The following WWC1 variants were observed in gnomAD, a reference collection of about 807,000 sequenced individuals.
WWC1 encodes protein KIBRA.
Under a neutral mutation model 138.4 loss-of-function variants are expected in WWC1, and 55 were observed. The ratio of observed to expected loss-of-function variants is 0.40; its 90% CI spans 0.32 to 0.50. WWC1 has a LOEUF of 0.50. WWC1 is among the 20% of genes least tolerant of loss of function. The pLI is 0.72. For missense variants in WWC1, 1,226 were observed against 1,420.4 expected, an observed-to-expected ratio of 0.86 and a Z score of 2.20; for synonymous variants, 524 against 564.9, an observed-to-expected ratio of 0.93 and a Z score of 1.03.
At chr5:168,396,025 C>T (rs975212731) in intron 3 of WWC1, among the ~76,000 whole-genome samples, 1 of 152,216 alleles carries the variant, frequency 6.6e-6, no homozygotes, top group Non-Finnish European at 1.5e-5. Flanking sequence ...ACCAAATAAG[C>T]TTCTCTATCC....
intron 17 of WWC1, among the ~76,000 whole-genome samples, chr5:168,452,912 A>G (rs934369591): frequency 2.6e-5 from 4 of 152,150 alleles, no homozygotes; most frequent in Admixed American, 6.5e-5. Context: ...TAGCCATCCA[A>G]TGGAATATTA....
chr5:168,322,152 T>G (rs1224043697), intron 1 of WWC1, among the ~76,000 whole-genome samples: 1 of 152,162 alleles, frequency 6.6e-6, no homozygotes, highest in South Asian at 2.1e-4. Flanking sequence ...TTGTAACAGA[T>G]TGATGCAAAT....
At chr5:168,443,839 T>C (rs1355654259) in intron 16 of WWC1, among the ~76,000 whole-genome samples, 1 of 152,226 alleles carries the variant, frequency 6.6e-6, no homozygotes, top group Non-Finnish European at 1.5e-5. Flanking sequence ...AGTTTTTGCT[T>C]TGGTATTAGC....
intron 1 of WWC1, among the ~76,000 whole-genome samples, chr5:168,341,372 C>T (rs2152778183): frequency 6.6e-6 from 1 of 152,238 alleles, no homozygotes; most frequent in East Asian, 1.9e-4. Flanking sequence ...AGTATGCAGG[C>T]TTCTGAAGTC....
At chr5:168,353,164 G>T (rs1194612573) in intron 1 of WWC1, among the ~76,000 whole-genome samples, 2 of 151,818 alleles carry the variant, frequency 1.3e-5, no homozygotes, top group African/African-American at 4.8e-5. Context: ...TGTATTTTGG[G>T]TCCTTCCAGG....
chr5:168,388,218 A>G (rs1778189808), intron 3 of WWC1, among the ~76,000 whole-genome samples: 1 of 152,218 alleles, frequency 6.6e-6, no homozygotes, highest in Non-Finnish European at 1.5e-5. Flanking sequence ...AGAATATTTC[A>G]TCTGAATCTA....
At chr5:168,360,886 G>A (rs1042569526) in intron 1 of WWC1, among the ~76,000 whole-genome samples, 4 of 152,378 alleles carry the variant, frequency 2.6e-5, no homozygotes, top group African/African-American at 9.6e-5. Context: ...AGGACAGGGT[G>A]AGCTGCTGCC....
chr5:168,313,398 C>T lies in WWC1; in HGVS notation c.119+21127C>T, dbSNP rs140243025. On this transcript the variant is annotated intron_variant, in intron 1 of 22. Transcript: ENST00000265293. ...CTGAGTTCAGGAGTTTGAGACCAGCCTGGCCAACATGGCGAAACCCCGTCT... is the reference window on the plus strand; with the variant it reads ...CTGAGTTCAGGAGTTTGAGACCAGCTTGGCCAACATGGCGAAACCCCGTCT... Among the ~76,000 whole-genome samples the T allele has an allele frequency of 6.4e-3, 968 of 152,192 alleles. 8 individuals carry two copies. The highest frequency in any genetic ancestry group is 0.022 in the African/African-American group (918 of 41,536).
intron 11 of WWC1, among the ~76,000 whole-genome samples, chr5:168,425,779 G>A (rs578103081): frequency 2.6e-5 from 4 of 152,026 alleles, no homozygotes; most frequent in Non-Finnish European, 5.9e-5. Flanking sequence ...GATTACAGGC[G>A]TGAACCACCA....
intron 1 of WWC1, among the ~76,000 whole-genome samples, chr5:168,365,333 C>T (rs970972031): frequency 6.6e-6 from 1 of 152,122 alleles, no homozygotes; most frequent in Non-Finnish European, 1.5e-5. Flanking sequence ...AAAGTGATCC[C>T]GCCCAGCCAG....
At chr5:168,370,140 C>T (rs1216025940) in intron 1 of WWC1, among the ~76,000 whole-genome samples, 1 of 151,914 alleles carries the variant, frequency 6.6e-6, no homozygotes, top group East Asian at 1.9e-4. Flanking sequence ...CTCAAGTGAT[C>T]CACCCACCTC....
chr5:168,423,007 G>A (rs567241812), intron 10 of WWC1, among the ~76,000 whole-genome samples: 69 of 151,774 alleles, frequency 4.5e-4, no homozygotes, highest in Non-Finnish European at 7.9e-4. Flanking sequence ...TTAACCGGGC[G>A]TGGTGGCAGG....
At chr5:168,407,553 C>T (rs1412275717) in intron 6 of WWC1, among the ~76,000 whole-genome samples, 1 of 152,220 alleles carries the variant, frequency 6.6e-6, no homozygotes, top group East Asian at 1.9e-4. Flanking sequence ...CCCAGGACAG[C>T]AGCCCAGTGA....
intron 1 of WWC1, among the ~76,000 whole-genome samples, chr5:168,352,718 G>A (rs1775079035): frequency 6.6e-6 from 1 of 151,774 alleles, no homozygotes; most frequent in African/African-American, 2.4e-5. Context: ...AAAGTAGTTG[G>A]GATTACAGAT....
intron 7 of WWC1, 85 bp downstream of exon 7, chr5:168,408,738 C>G: frequency 6.4e-7 from 1 of 1,560,862 alleles, no homozygotes; most frequent in Non-Finnish European, 8.7e-7. Context: ...CTTCTCATGG[C>G]TCACCAGGGA....
chr5:168,370,636 T>G (rs1253399979), intron 1 of WWC1, among the ~76,000 whole-genome samples: 4 of 152,206 alleles, frequency 2.6e-5, no homozygotes, highest in African/African-American at 9.6e-5. Flanking sequence ...GATTCCCAGC[T>G]TCCCATACTC....
At chr5:168,335,027 A>AT (rs141903012) in intron 1 of WWC1, among the ~76,000 whole-genome samples, 5,305 of 151,934 alleles carry the variant, frequency 0.035, 299 homozygotes, top group African/African-American at 0.12. Flanking sequence ...TCTAGCCTTG[A>AT]TTTTTTTCCC....
intron 21 of WWC1, among the ~76,000 whole-genome samples, chr5:168,466,453 A>C (rs1467895120): frequency 6.6e-6 from 1 of 152,200 alleles, no homozygotes; most frequent in Non-Finnish European, 1.5e-5. Flanking sequence ...CACCTTACAG[A>C]GGGTGCCTAC....
At chr5:168,393,320 CTG>C (rs1778647112) in intron 3 of WWC1, among the ~76,000 whole-genome samples, 1 of 152,142 alleles carries the variant, frequency 6.6e-6, no homozygotes, top group Admixed American at 6.5e-5. Flanking sequence ...AGATATCTCA[CTG>C]TGGAACTTCA....
Sources: gnomAD v4.1 joint callset for allele counts (sites outside exome capture counted in the v4.1 genomes callset) on GRCh38, gnomAD v4.1.1 for gene constraint, MANE v1.5 for transcripts, NCBI Gene and HGNC (gene_info 2026-07-23, HGNC 2026-07-21) for gene names.